Variants in TNFRSF19 observed in about 807,000 individuals in gnomAD.
TNFRSF19 encodes TNF receptor superfamily member 19, also known as tumor necrosis factor receptor superfamily member 19.
A neutral mutation model predicts 46.4 loss-of-function variants in TNFRSF19; 27 were observed. That is an observed-to-expected ratio of 0.58 (90% CI 0.43 to 0.80). The LOEUF is 0.80. Among genes scored for constraint, TNFRSF19 ranks in the 30% least tolerant of loss-of-function variants. The pLI is 0.00. For missense variants in TNFRSF19, 511 were observed against 530.8 expected (o/e 0.96, Z 0.37); for synonymous variants, 204 against 205.0 (o/e 1.00, Z 0.04).
At chr13:23,624,704 G>C (rs116053057) in intron 4 of TNFRSF19, among the ~76,000 whole-genome samples, 8,433 of 151,412 alleles carry the variant, frequency 0.056, 403 homozygotes, top group African/African-American at 0.13. Flanking sequence ...TTCATATACA[G>C]TATATAATAT....
chr13:23,668,009 T>C lies in TNFRSF19; in HGVS notation c.766T>C (p.Cys256Arg). 1 of 1,610,154 alleles carries C rather than the reference T, an allele frequency of 6.2e-7. No homozygotes were observed. The highest frequency in any genetic ancestry group is 8.5e-7 in the Non-Finnish European group (1 of 1,178,412). Reference sequence around the variant, plus strand: ...GGTGCGCTTGCTCCCATCCATGTGCTGTGAGGAGGCCTGCAGCCCCAACCC... The same window carrying C: ...GGTGCGCTTGCTCCCATCCATGTGCCGTGAGGAGGCCTGCAGCCCCAACCC... ...GPVRLLPSMCCEEACSPNPAT... is the reference protein window; with the variant it reads ...GPVRLLPSMCREEACSPNPAT... The change falls in exon 8 of 10, where the codon TGT (cysteine) becomes CGT (arginine). Residue 256 changes from cysteine to arginine, a missense_variant. Cys to Arg is a radical substitution (Grantham distance 180, BLOSUM62 -3). Around this residue, in one of 3 missense-constraint regions of TNFRSF19, gnomAD observed 376 missense variants for 372.7 expected, o/e 1.01. Coordinates refer to ENST00000248484, the MANE Select transcript of TNFRSF19 (RefSeq NM_148957.4).
At chr13:23,612,411 G>C (rs925900636) in intron 3 of TNFRSF19, among the ~76,000 whole-genome samples, 1 of 152,186 alleles carries the variant, frequency 6.6e-6, no homozygotes. Context: ...TGGATTATGA[G>C]TAATTACAGA....
At chr13:23,622,134 G>T (rs964124455) in intron 4 of TNFRSF19, among the ~76,000 whole-genome samples, 2 of 152,024 alleles carry the variant, frequency 1.3e-5, no homozygotes, top group African/African-American at 2.4e-5. Context: ...GCCTGGCGTG[G>T]TGGTCACACC....
Position 23,620,111 on chromosome 13 carries a change from C to T in TNFRSF19, c.359+4066C>T, listed in dbSNP as rs537712505. On this transcript the variant is annotated intron_variant, in intron 4 of 9. Coordinates refer to ENST00000248484, the MANE Select transcript of TNFRSF19 (RefSeq NM_148957.4). ...AGTCAGCATTAGTATATGAGGCAGG[C>T]GTAATTACATAGTGACTTTTACCCA... Among the ~76,000 whole-genome samples the T allele has an allele frequency of 1.1e-4, 16 of 152,236 alleles. No homozygotes were observed. The East Asian group carries it at 3.1e-3, about 29-fold the overall frequency.
rs540886974 is a variant in TNFRSF19 at position 23,645,351 on chromosome 13, AC to A, written c.446-13697del. Among the ~76,000 whole-genome samples, 21 of 152,018 alleles carry A rather than the reference AC, an allele frequency of 1.4e-4. 1 individual carries two copies. In the South Asian group the frequency reaches 4.4e-3, roughly 32 times the overall value. On this transcript the variant is annotated intron_variant, in intron 5 of 9. Transcript: ENST00000248484. ...CAAGTAGCTGGGATTACAGGTGTGC[AC>A]CACCATGCCCGGCTACTTTTTGTAT...
At chr13:23,671,076 C>G (rs970924046) in intron 9 of TNFRSF19, among the ~76,000 whole-genome samples, 1 of 152,032 alleles carries the variant, frequency 6.6e-6, no homozygotes, top group Admixed American at 6.5e-5. Context: ...GGTGGTGTGG[C>G]GGGGACAGGA....
At chr13:23,607,399 C>T (rs1269625514) in intron 3 of TNFRSF19, among the ~76,000 whole-genome samples, 1 of 152,100 alleles carries the variant, frequency 6.6e-6, no homozygotes, top group African/African-American at 2.4e-5. Context: ...CACCACCGCA[C>T]TCAAGTCTGG....
chr13:23,571,866 C>G (rs1294975479), intron 1 of TNFRSF19, among the ~76,000 whole-genome samples: 1 of 150,702 alleles, frequency 6.6e-6, no homozygotes, highest in Admixed American at 6.6e-5. Flanking sequence ...TTACTTTGTT[C>G]GCGATGTTTT....
intron 1 of TNFRSF19, among the ~76,000 whole-genome samples, chr13:23,572,709 T>C (rs983110131): frequency 6.6e-6 from 1 of 152,210 alleles, no homozygotes; most frequent in Non-Finnish European, 1.5e-5. Context: ...TGTTGAGAAA[T>C]GAAATAGAGT....
chr13:23,612,383 G>A (rs939185914), intron 3 of TNFRSF19, among the ~76,000 whole-genome samples: 1 of 152,162 alleles, frequency 6.6e-6, no homozygotes, highest in African/African-American at 2.4e-5. Flanking sequence ...GTATTTATAT[G>A]TAGTTTACTT....
intron 5 of TNFRSF19, among the ~76,000 whole-genome samples, chr13:23,653,142 C>T (rs1237458751): frequency 6.6e-6 from 1 of 152,200 alleles, no homozygotes; most frequent in Non-Finnish European, 1.5e-5. Flanking sequence ...AGGATCAAGG[C>T]TTGGCTGCTG....
chr13:23,589,864 GA>G (rs11367837), intron 1 of TNFRSF19, among the ~76,000 whole-genome samples: 51,198 of 152,014 alleles, frequency 0.34, 9,021 homozygotes, highest in East Asian at 0.54. Context: ...CTGCTGTAGA[GA>G]ACATGGGTAG....
rs374050073 is a variant in TNFRSF19, at chr13:23,667,278, C to T, written c.737-702C>T. Among the ~76,000 whole-genome samples, 161 of 152,244 alleles carry T rather than the reference C, an allele frequency of 1.1e-3. 3 individuals carry two copies. The South Asian group carries it at 0.02, about 19-fold the overall frequency. ...TTTTAGATTTTTAAGCTTATATTAT[C>T]TTTGTAGCACAAAATACATCCAGCT... is the stretch of plus-strand genomic sequence containing the variant. On this transcript the variant is annotated intron_variant, in intron 7 of 9. Coordinates refer to ENST00000248484, the MANE Select transcript of TNFRSF19 (RefSeq NM_148957.4).
In TNFRSF19 at chr13:23,659,758, G is replaced by A. The variant is rs955104627; in HGVS notation, c.610+544G>A. 7.9e-5 allele frequency among the ~76,000 whole-genome samples: 12 copies of A among 152,148 alleles called. No homozygotes were observed. Among genetic ancestry groups the A allele is most frequent in the Non-Finnish European group, 1.3e-4 (9 of 68,026 alleles). ...CTGACCTCGTGATCCGCCTGCCTCG[G>A]CCTCCCAAAGTGCTGAGATGACAGA... On this transcript the variant is annotated intron_variant, in intron 6 of 9. Coordinates refer to ENST00000248484, the MANE Select transcript of TNFRSF19 (RefSeq NM_148957.4). The surrounding 1 kb of genome is among the most constrained non-coding windows in gnomAD (Gnocchi z 4.9).
intron 4 of TNFRSF19, among the ~76,000 whole-genome samples, chr13:23,616,814 G>T (rs932530947): frequency 6.6e-6 from 1 of 151,934 alleles, no homozygotes; most frequent in Non-Finnish European, 1.5e-5. Flanking sequence ...CCTGACCTCA[G>T]GTGATCTGCC....
At chr13:23,614,510 C>G (rs187104383) in intron 3 of TNFRSF19, among the ~76,000 whole-genome samples, 1 of 152,040 alleles carries the variant, frequency 6.6e-6, no homozygotes, top group East Asian at 2.0e-4. Context: ...ATTTTAGCAT[C>G]CAGGGTTTAC....
At chr13:23,652,080 G>T (rs1883685978) in intron 5 of TNFRSF19, among the ~76,000 whole-genome samples, 1 of 152,050 alleles carries the variant, frequency 6.6e-6, no homozygotes, top group South Asian at 2.1e-4. Context: ...GTATGTAGGG[G>T]CTGGCCCCTG....
intron 5 of TNFRSF19, among the ~76,000 whole-genome samples, chr13:23,638,354 G>A (rs767082860): frequency 3.9e-5 from 6 of 152,186 alleles, no homozygotes; most frequent in Non-Finnish European, 8.8e-5. Flanking sequence ...TCCGGCAAGT[G>A]CCAAAGAGGA....
chr13:23,578,673 T>C (rs1264724609), intron 1 of TNFRSF19, among the ~76,000 whole-genome samples: 1 of 152,240 alleles, frequency 6.6e-6, no homozygotes, highest in Non-Finnish European at 1.5e-5. Context: ...ACAATACTGC[T>C]TGCACTTTTA....
Sources: gnomAD v4.1 joint callset for allele counts (sites outside exome capture counted in the v4.1 genomes callset) on GRCh38, gnomAD v4.1.1 for gene constraint, gnomAD v4.1.1 regional missense constraint, Gnocchi (gnomAD v3.1) non-coding constraint, MANE v1.5 for transcripts, NCBI Gene and HGNC (gene_info 2026-07-23, HGNC 2026-07-21) for gene names.